The following COPS7A variants were observed in gnomAD, a reference collection of about 807,000 sequenced individuals.
COPS7A encodes the protein COP9 signalosome subunit 7A.
In COPS7A, 20 loss-of-function variants were observed where a neutral mutation model predicts 35.2. That is an observed-to-expected ratio of 0.57 (90% CI 0.40 to 0.83). The LOEUF (loss-of-function observed/expected upper bound fraction) is 0.83, where lower values mean the gene tolerates loss of function less well. Among genes scored for constraint, COPS7A ranks in the 40% least tolerant of loss-of-function variants. The pLI is 0.00. For missense variants in COPS7A, 247 were observed against 347.5 expected, an observed-to-expected ratio of 0.71 and a Z score of 2.30; for synonymous variants, 139 against 141.4, an observed-to-expected ratio of 0.98 and a Z score of 0.12.
At chr12:6,727,618 G>GT in intron 2 of COPS7A, 1 of 521,798 alleles carries the variant, frequency 1.9e-6, no homozygotes, top group South Asian at 1.5e-5. Context: ...GCAGTGTCTG[G>GT]TGTGTATGTC....
Position 6,728,305 on chromosome 12 carries a change from A to G in COPS7A, c.321A>G (p.Lys107=). ...RHLSVVTLAA[K]VKCIPYAVLL... is the part of the protein sequence containing the mutation. ...TCTCAGTTGTCACCCTGGCTGCTAA[A>G]GTAAAGGTGAGTGGCAGTCCCCCAG... is the stretch of plus-strand genomic sequence containing the variant. The change falls in exon 4 of 8, where the codon AAA becomes AAG. Residue 107 remains lysine, a synonymous_variant. Transcript: ENST00000543155. 1 of 1,613,782 alleles carries G rather than the reference A, an allele frequency of 6.2e-7. No homozygotes were observed. Among genetic ancestry groups the G allele is most frequent in the Non-Finnish European group, 8.5e-7 (1 of 1,179,654 alleles).
rs1280358257 is a variant in COPS7A, at chr12:6,731,394, G to GT, written c.*361dup. 1.7e-6 allele frequency: 2 copies of GT among 1,197,004 alleles called. No individual in the cohort carries two copies. Among genetic ancestry groups the GT allele is most frequent in the Non-Finnish European group, 1.1e-6 (1 of 925,586 alleles). 74.1% of individuals were successfully genotyped at this position (1,197,004 alleles called of 1,614,324 possible). A position where few individuals can be genotyped will look rare whatever the true frequency, so the allele number is the denominator to read the frequency against. Reference sequence around the variant, plus strand: ...TCTGTCTGGAGCATAACCCACAGGCGTTTTTTCTGCCACCCCATCCCTGCA... The same window carrying GT: ...TCTGTCTGGAGCATAACCCACAGGCGTTTTTTTCTGCCACCCCATCCCTGCA... On this transcript the variant is annotated 3_prime_UTR_variant, in exon 8 of 8. Coordinates refer to ENST00000543155, the MANE Select transcript of COPS7A (RefSeq NM_001164094.2).
intron 2 of COPS7A, chr12:6,725,730 C>G (rs1941236879): frequency 2.2e-6 from 1 of 455,970 alleles, no homozygotes; most frequent in African/African-American, 2.0e-5. Flanking sequence ...TCAGAGGAGG[C>G]AGCCTGAGTC....
intron 2 of COPS7A, among the ~76,000 whole-genome samples, chr12:6,727,341 A>AG (rs1371565298): frequency 1.3e-5 from 2 of 151,080 alleles, no homozygotes; most frequent in Non-Finnish European, 3.0e-5. Context: ...TGTCTCAAAA[A>AG]AAAAAAAAAA....
At chr12:6,728,804 C>G (rs548543622) in intron 4 of COPS7A, among the ~76,000 whole-genome samples, 2 of 152,204 alleles carry the variant, frequency 1.3e-5, no homozygotes, top group African/African-American at 4.8e-5. Flanking sequence ...AAACCAGGCT[C>G]TCTATTGAGA....
chr12:6,728,192 G>A, intron 3 of COPS7A, 31 bp from the exon 4 acceptor site: 1 of 1,603,886 alleles, frequency 6.2e-7, no homozygotes, highest in Non-Finnish European at 8.5e-7. Context: ...ACTGAAATCA[G>A]GATTCCTTAC....
intron 2 of COPS7A, chr12:6,725,585 C>T (rs958175662): frequency 6.6e-6 from 3 of 455,174 alleles, no homozygotes; most frequent in Middle Eastern, 3.2e-4. Context: ...CCCTTTTCTT[C>T]CCTATGTGCA....
Position 6,724,803 on chromosome 12 carries a change from G to T in COPS7A, c.147G>T (p.Met49Ile). The change falls in exon 2 of 8, where the codon ATG becomes ATT. Residue 49 changes from methionine (M) to isoleucine (I), a missense_variant. Physicochemically the swap from Met to Ile is conservative, Grantham distance 10. Transcript: ENST00000543155. ...GVYVFGELLD[M>I]PNVRELAESD... The stretch of plus-strand genomic sequence containing the variant: ...ACGTGTTTGGAGAACTGCTGGACAT[G>T]CCCAATGTTAGAGAGGTGGGTTGCT... The T allele has an allele frequency of 3.7e-6, 6 of 1,614,182 alleles. No individual in the cohort carries two copies. The highest frequency in any genetic ancestry group is 5.1e-6 in the Non-Finnish European group (6 of 1,180,022).
Position 6,724,642 on chromosome 12 carries a change from A to G in COPS7A, c.-15A>G, listed in dbSNP as rs1941203784. 4 of 1,613,864 alleles carry G rather than the reference A, an allele frequency of 2.5e-6. 1 individual carries two copies. The South Asian group carries it at 4.4e-5, about 18-fold the overall frequency. On this transcript the variant is annotated 5_prime_UTR_variant, in exon 2 of 8. Transcript: ENST00000543155. The stretch of plus-strand genomic sequence containing the variant: ...TGGACATCCTGAGCCCAAGTCCCCC[A>G]CACTCAGTGCAGTGATGAGTGCGGA...
chr12:6,728,088 C>T, intron 3 of COPS7A, 87 bp downstream of exon 3: 2 of 1,480,562 alleles, frequency 1.4e-6, no homozygotes, highest in Non-Finnish European at 9.4e-7. Flanking sequence ...CTGGGATATC[C>T]CACTTAGATC....
intron 2 of COPS7A, 186 bp from the exon 3 acceptor site, chr12:6,727,740 G>A (rs1440308040): frequency 1.4e-6 from 1 of 694,668 alleles, no homozygotes; most frequent in South Asian, 1.5e-5. Context: ...ACAAAAGCCT[G>A]AAGGTGGAAA....
At chr12:6,725,142 G>A (rs1941218264) in intron 2 of COPS7A, among the ~76,000 whole-genome samples, 1 of 151,390 alleles carries the variant, frequency 6.6e-6, no homozygotes, top group South Asian at 2.1e-4. Flanking sequence ...TTTTGTTTTA[G>A]GGCTTCAGCT....
intron 7 of COPS7A, 59 bp downstream of exon 7, chr12:6,730,879 C>T (rs1941376376): frequency 6.2e-7 from 1 of 1,601,040 alleles, no homozygotes; most frequent in African/African-American, 1.3e-5. Flanking sequence ...ACCCCAGGGA[C>T]CTCACTGTCC....
At position 6,731,429 on chromosome 12, in the gene COPS7A, C is replaced by G; in HGVS notation, c.*390C>G. On this transcript the variant is annotated 3_prime_UTR_variant, in exon 8 of 8. Coordinates refer to ENST00000543155, the MANE Select transcript of COPS7A (RefSeq NM_001164094.2). The stretch of plus-strand genomic sequence containing the variant: ...CCACCCCATCCCTGCATGCCTGATC[C>G]CCAGTTCCTATACCCTACCCCTGAC... The G allele has an allele frequency of 1.2e-6, 1 of 832,342 alleles. No individual in the cohort carries two copies. The highest frequency in any genetic ancestry group is 1.6e-6 in the Non-Finnish European group (1 of 607,136). 51.6% of individuals were successfully genotyped at this position (832,342 alleles called of 1,614,324 possible).
Position 6,728,361 on chromosome 12 carries a change from C to T in COPS7A, c.327+50C>T, listed in dbSNP as rs187242811. 5.9e-3 allele frequency: 8,909 copies of T among 1,503,986 alleles called. 34 individuals carry two copies. Among genetic ancestry groups the T allele is most frequent in the Non-Finnish European group, 7.3e-3 (7,957 of 1,083,582 alleles). The allele number at this position is 1,503,986 out of a possible 1,614,324, so 93.2% of individuals were successfully genotyped here. On this transcript the variant is annotated intron_variant, in intron 4 of 7. Transcript: ENST00000543155. The stretch of plus-strand genomic sequence containing the variant: ...CGGTCTAGAGCATCCTTTTGTATGT[C>T]CTTGGGAGTCCACACTAGGACAGCC...
chr12:6,730,992 C>T lies in COPS7A; in HGVS notation c.789-8C>T, dbSNP rs1377942499. 5 of 1,612,036 alleles carry T rather than the reference C, an allele frequency of 3.1e-6. No homozygotes were observed. In the Admixed American group the frequency reaches 6.7e-5, roughly 22 times the overall value. ...TCTCTCTCTCTTTCTCTCTCTTCTC[C>T]TTGCCAGGCTCCGAGGGAGCGCCAA... is the stretch of plus-strand genomic sequence containing the variant. On this transcript the variant is annotated splice_region_variant and splice_polypyrimidine_tract_variant and intron_variant, in intron 7 of 7. Transcript: ENST00000543155.
In COPS7A at chr12:6,729,859, T is replaced by C. The variant is rs1335213063; in HGVS notation, c.530+410T>C. On this transcript the variant is annotated intron_variant, in intron 5 of 7. Coordinates refer to ENST00000543155, the MANE Select transcript of COPS7A (RefSeq NM_001164094.2). This position sits in a 1 kb window ranked among gnomAD's most constrained non-coding sequence, Gnocchi z 4.2. ...TCATTAAGTCACCTCTTTTTCTCTT[T>C]GGCATCTCCTACCCTATTTTGTTTT... Among the ~76,000 whole-genome samples the C allele has an allele frequency of 1.3e-5, 2 of 152,240 alleles. No individual in the cohort carries two copies. The highest frequency in any genetic ancestry group is 2.9e-5 in the Non-Finnish European group (2 of 68,040).
At position 6,728,274 on chromosome 12, in the gene COPS7A, G is replaced by A. The variant is rs764220895; in HGVS notation, c.290G>A (p.Arg97Gln). ...PLTEAQKNKL[R>Q]HLSVVTLAAK... ...ACAGAGGCTCAGAAGAATAAGCTTC[G>A]ACACCTCTCAGTTGTCACCCTGGCT... The change falls in exon 4 of 8, where the codon CGA (arginine) becomes CAA (glutamine). Residue 97 changes from arginine (R) to glutamine (Q), a missense_variant. By Grantham distance (43) the Arg-to-Gln change is conservative. Coordinates refer to ENST00000543155, the MANE Select transcript of COPS7A (RefSeq NM_001164094.2). 10 of 1,614,064 alleles carry A rather than the reference G, an allele frequency of 6.2e-6. No individual in the cohort carries two copies. Among genetic ancestry groups the A allele is most frequent in the Non-Finnish European group, 7.6e-6 (9 of 1,180,002 alleles).
At position 6,730,524 on chromosome 12, in the gene COPS7A, G is replaced by A. The variant is rs545720525; in HGVS notation, c.636+17G>A. 1.4e-5 allele frequency: 22 copies of A among 1,613,626 alleles called. No individual in the cohort carries two copies. The African/African-American group carries it at 1.9e-4, about 14-fold the overall frequency. On this transcript the variant is annotated intron_variant, in intron 6 of 7. Transcript: ENST00000543155. ...GAGAGTGAGGTGAGCAGTCAGGGGA[G>A]CAGGCAGACCCAAACTCCTCCAGCC...
Sources: allele counts gnomAD v4.1 joint callset (sites outside exome capture counted in the v4.1 genomes callset), GRCh38; gene constraint gnomAD v4.1.1; non-coding constraint Gnocchi (gnomAD v3.1); transcripts MANE v1.5; gene names NCBI Gene and HGNC (gene_info 2026-07-23, HGNC 2026-07-21).